Variants in SLC26A7 observed in about 807,000 individuals in gnomAD.
The protein encoded by SLC26A7 is solute carrier family 26 member 7, also known as anion exchange transporter.
A neutral mutation model predicts 82.5 loss-of-function variants in SLC26A7; 59 were observed. The ratio of observed to expected loss-of-function variants is 0.72; its 90% CI spans 0.58 to 0.89. The LOEUF (loss-of-function observed/expected upper bound fraction) is 0.89. Ranked by LOEUF, SLC26A7 falls within the 40% of genes least tolerant of loss-of-function variation. SLC26A7 has a pLI of 0.00. For synonymous variants in SLC26A7, 271 were observed against 274.3 expected (o/e 0.99, Z 0.12); for missense variants, 820 against 793.0 (o/e 1.03, Z -0.41).
intron 5 of SLC26A7, among the ~76,000 whole-genome samples, chr8:91,318,714 T>A (rs1433385559): frequency 6.6e-6 from 1 of 152,138 alleles, no homozygotes; most frequent in Non-Finnish European, 1.5e-5. Flanking sequence ...AGTTTAACAA[T>A]AGTGCACTCC....
In SLC26A7 at chr8:91,225,653, T is replaced by G. The variant is rs1273401541; in HGVS notation, c.-34+6648T>G. 4.8e-3 allele frequency among the ~76,000 whole-genome samples: 624 copies of G among 129,376 alleles called. 5 individuals carry two copies. The highest frequency in any genetic ancestry group is 6.0e-3 in the Non-Finnish European group (354 of 59,252). 84.9% of individuals were successfully genotyped at this position (129,376 alleles called of 152,430 possible). ...GCCCCCTAGAAAAGTGTTTTTTTTT[T>G]TTTTTTTTTTTTTTTTTTTTTTACC... On this transcript the variant is annotated intron_variant, in intron 2 of 5. Transcript: ENST00000522862.
chr8:91,269,906 A>AT (rs71273691), intron 2 of SLC26A7, among the ~76,000 whole-genome samples: 13,236 of 151,700 alleles, frequency 0.087, 857 homozygotes, highest in African/African-American at 0.18. Context: ...TAGTTATTGT[A>AT]TTTTTATTTC....
intron 9 of SLC26A7, chr8:91,344,310 A>G: frequency 1.8e-6 from 1 of 561,910 alleles, no homozygotes; most frequent in Non-Finnish European, 2.3e-6. Context: ...CCGGGATTGG[A>G]ACCCAGATAG....
At chr8:91,382,512 A>C (rs1000232508) in intron 15 of SLC26A7, among the ~76,000 whole-genome samples, 1 of 152,188 alleles carries the variant, frequency 6.6e-6, no homozygotes, top group African/African-American at 2.4e-5. Context: ...AATATATTGA[A>C]GGTACACACT....
intron 9 of SLC26A7, among the ~76,000 whole-genome samples, chr8:91,346,884 C>T (rs1203563428): frequency 6.6e-6 from 1 of 152,164 alleles, no homozygotes; most frequent in Non-Finnish European, 1.5e-5. Flanking sequence ...TTCCCTTCCT[C>T]TCTATGTGAA....
intron 2 of SLC26A7, among the ~76,000 whole-genome samples, chr8:91,266,618 T>A (rs1018375632): frequency 5.3e-5 from 8 of 152,120 alleles, no homozygotes; most frequent in African/African-American, 1.9e-4. Flanking sequence ...TGAATTCATT[T>A]ATTAGTTCTA....
chr8:91,303,490 G>C (rs1812222836), intron 4 of SLC26A7, among the ~76,000 whole-genome samples: 1 of 152,150 alleles, frequency 6.6e-6, no homozygotes, highest in Admixed American at 6.5e-5. Context: ...ATTCATTACT[G>C]TAGGCTGCCT....
chr8:91,332,491 TACACACACACAC>T (rs34306717), intron 5 of SLC26A7, among the ~76,000 whole-genome samples: 2,709 of 125,186 alleles, frequency 0.022, 84 homozygotes, highest in African/African-American at 0.076. Flanking sequence ...ATATATTTAA[TACACACACACAC>T]ACACACACAC....
intron 6 of SLC26A7, among the ~76,000 whole-genome samples, 200 bp downstream of exon 6, chr8:91,334,647 CA>C (rs540769023): frequency 2.2e-4 from 34 of 152,250 alleles, no homozygotes; most frequent in Admixed American, 8.5e-4. Context: ...AGAAGGCACA[CA>C]TGTTTTCAAT....
At position 91,363,489 on chromosome 8, in the gene SLC26A7, T is replaced by C. The variant is rs774394859; in HGVS notation, c.1439T>C (p.Ile480Thr). The stretch of plus-strand genomic sequence containing the variant: ...AATTTCAGAGCAATGACTGTAAGTA[T>C]AAAAAATATGAAAGAAATGGAATTT... ...GRFPRAMTVS[I>T]KNMKEMEFKV... Residue 480 changes from isoleucine to threonine, a missense_variant, in exon 13 of 19, where the codon ATA (isoleucine) becomes ACA (threonine). By Grantham distance (89) the Ile-to-Thr change is moderately conservative. Transcript: ENST00000276609. 4 of 1,505,132 alleles carry C rather than the reference T, an allele frequency of 2.7e-6. No individual in the cohort carries two copies. Among genetic ancestry groups the C allele is most frequent in the East Asian group, 4.7e-5 (2 of 42,590 alleles). The allele number at this position is 1,505,132 out of a possible 1,614,324, so 93.2% of individuals were successfully genotyped here. A position where few individuals can be genotyped will look rare whatever the true frequency, so the allele number is the denominator to read the frequency against.
At chr8:91,356,638 C>T (rs922167819) in intron 11 of SLC26A7, among the ~76,000 whole-genome samples, 9 of 152,150 alleles carry the variant, frequency 5.9e-5, no homozygotes, top group South Asian at 2.1e-4. Flanking sequence ...AGCCCTTTGT[C>T]AGATGAGTAG....
intron 4 of SLC26A7, among the ~76,000 whole-genome samples, chr8:91,314,690 G>A (rs953240898): frequency 6.6e-6 from 1 of 152,054 alleles, no homozygotes; most frequent in East Asian, 1.9e-4. Flanking sequence ...GGTCTTTAAG[G>A]AACTTGACCT....
At chr8:91,335,166 A>G (rs1326016270) in intron 6 of SLC26A7, among the ~76,000 whole-genome samples, 2 of 152,160 alleles carry the variant, frequency 1.3e-5, no homozygotes, top group Non-Finnish European at 2.9e-5. Context: ...TTTGAGTTAT[A>G]CATGTATATG....
rs1808622663 is a variant in SLC26A7 at position 91,398,136 on chromosome 8, T to G, written c.*3039T>G. 2 of 152,702 alleles carry G rather than the reference T, an allele frequency of 1.3e-5. No homozygotes were observed. The highest frequency in any genetic ancestry group is 1.3e-4 in the Admixed American group (2 of 15,288). 9.5% of individuals were successfully genotyped at this position (152,702 alleles called of 1,614,324 possible). On this transcript the variant is annotated 3_prime_UTR_variant, in exon 19 of 19. Transcript: ENST00000276609. ...ATTTACATGGAAATAAATCGAAATATGATAACTATTATGCTTAAATGGATT... is the reference window on the plus strand; with the variant it reads ...ATTTACATGGAAATAAATCGAAATAGGATAACTATTATGCTTAAATGGATT...
intron 4 of SLC26A7, among the ~76,000 whole-genome samples, chr8:91,303,964 C>A (rs1429645064): frequency 6.6e-6 from 1 of 152,142 alleles, no homozygotes. Context: ...CTAAATCTTT[C>A]CATCTGTGTT....
intron 14 of SLC26A7, among the ~76,000 whole-genome samples, chr8:91,368,131 T>G (rs1342353692): frequency 6.6e-6 from 1 of 152,174 alleles, no homozygotes; most frequent in African/African-American, 2.4e-5. Flanking sequence ...TGAGAAAAAC[T>G]ATAGAGGTAA....
chr8:91,346,275 C>T (rs1289644563), intron 9 of SLC26A7, among the ~76,000 whole-genome samples: 3 of 152,052 alleles, frequency 2.0e-5, no homozygotes, highest in African/African-American at 7.2e-5. Flanking sequence ...AGGATGCTTT[C>T]CCATGGTAGT....
At chr8:91,247,354 C>T (rs1037899103), upstream of SLC26A7, among the ~76,000 whole-genome samples, 1 of 152,262 alleles carries the variant, frequency 6.6e-6, no homozygotes, top group South Asian at 2.1e-4. Context: ...ACTTAGCATT[C>T]TTGAATTTTG....
rs1198983779 is a variant in SLC26A7 at position 91,395,614 on chromosome 8, T to A, written c.*517T>A. The A allele has an allele frequency of 6.6e-6, 1 of 152,228 alleles. No homozygotes were observed. Among genetic ancestry groups the A allele is most frequent in the Non-Finnish European group, 1.5e-5 (1 of 68,056 alleles). 9.4% of individuals were successfully genotyped at this position (152,228 alleles called of 1,614,324 possible). A position where few individuals can be genotyped will look rare whatever the true frequency, so the allele number is the denominator to read the frequency against. ...TTACTTTACACAGTAAGATGTGAAA[T>A]TCACAAAAAGTAAACCAAACAAAAC... is the stretch of plus-strand genomic sequence containing the variant. On this transcript the variant is annotated 3_prime_UTR_variant, in exon 19 of 19. Transcript: ENST00000276609.
Sources: gnomAD v4.1 joint callset for allele counts (sites outside exome capture counted in the v4.1 genomes callset) on GRCh38, gnomAD v4.1.1 for gene constraint, MANE v1.5 for transcripts, NCBI Gene and HGNC (gene_info 2026-07-23, HGNC 2026-07-21) for gene names.